The following ATP8A1 variants were observed in gnomAD, a reference collection of about 807,000 sequenced individuals.
ATP8A1 encodes the protein phospholipid-transporting ATPase IA.
Under a neutral mutation model 177.7 loss-of-function variants are expected in ATP8A1, and 90 were observed. That is an observed-to-expected ratio of 0.51 (90% CI 0.43 to 0.60). The LOEUF is 0.60. ATP8A1 is among the 20% of genes least tolerant of loss of function. The pLI is 0.00. For synonymous variants in ATP8A1, 493 were observed against 485.9 expected (o/e 1.01, Z -0.19); for missense variants, 1,072 against 1,392.8 (o/e 0.77, Z 3.67).
intron 23 of ATP8A1, among the ~76,000 whole-genome samples, chr4:42,505,349 T>C (rs1295653963): frequency 3.3e-5 from 5 of 152,248 alleles, no homozygotes; most frequent in African/African-American, 1.2e-4. Flanking sequence ...TCTTTTTTCA[T>C]AGGAACATTC....
At chr4:42,568,919 G>A (rs897517068) in intron 15 of ATP8A1, among the ~76,000 whole-genome samples, 2 of 152,078 alleles carry the variant, frequency 1.3e-5, no homozygotes, top group African/African-American at 4.8e-5. Context: ...CTTTATTACA[G>A]ATAAACAATG....
chr4:42,569,186 C>A lies in ATP8A1; in HGVS notation c.1315G>T (p.Asp439Tyr), dbSNP rs1400217783. Residue 439 changes from aspartate (D) to tyrosine (Y), a missense_variant, in exon 15 of 37, where the codon GAT becomes TAT. By Grantham distance (160) the Asp-to-Tyr change is radical. Coordinates refer to ENST00000381668, the MANE Select transcript of ATP8A1 (RefSeq NM_006095.2). ...VAYGHVPEPE[D>Y]YGCSPDEWQN... is the part of the protein sequence containing the mutation. ...CATTCATCAGGAGAGCAGCCATAAT[C>A]CTCAGGTTCAGGGACATGGCTTCAG... The A allele has an allele frequency of 1.9e-6, 3 of 1,607,200 alleles. No homozygotes were observed. Among genetic ancestry groups the A allele is most frequent in the Admixed American group, 3.4e-5 (2 of 59,196 alleles).
intron 20 of ATP8A1, 49 bp from the exon 21 acceptor site, chr4:42,524,896 T>G: frequency 7.8e-7 from 1 of 1,284,690 alleles, no homozygotes; most frequent in Non-Finnish European, 1.1e-6. Context: ...ATTCTGGGTT[T>G]AATAAAGTTG....
chr4:42,414,461 A>T (rs1712992772), intron 36 of ATP8A1, among the ~76,000 whole-genome samples, 166 bp downstream of exon 36: 1 of 152,234 alleles, frequency 6.6e-6, no homozygotes, highest in South Asian at 2.1e-4. Flanking sequence ...TGAAAGTGAA[A>T]TGGTTCTGAC....
At chr4:42,545,802 T>TATCTCTACTAAATTCAA (rs1728850834) in intron 19 of ATP8A1, among the ~76,000 whole-genome samples, 1 of 152,104 alleles carries the variant, frequency 6.6e-6, no homozygotes, top group African/African-American at 2.4e-5. Flanking sequence ...GGTGAAACCC[T>TATCTCTACTAAATTCAA]ATCTCTACTA....
intron 15 of ATP8A1, among the ~76,000 whole-genome samples, chr4:42,558,885 T>C (rs1351959423): frequency 6.6e-6 from 1 of 152,212 alleles, no homozygotes. Context: ...GCAAAAACTA[T>C]GGCAACAGGC....
intron 7 of ATP8A1, among the ~76,000 whole-genome samples, chr4:42,589,024 T>C (rs1322161342): frequency 6.6e-6 from 1 of 152,194 alleles, no homozygotes; most frequent in Non-Finnish European, 1.5e-5. Context: ...CTCCTTGACC[T>C]AGAAGATGCA....
rs149137869 is a variant in ATP8A1, at chr4:42,417,501, A to G, written c.3306-2783T>C. ...CACACAACTACTACTAAATATTGTT[A>G]CCTTATTTCCAAACCCACTAAAATG... On this transcript the variant is annotated intron_variant, in intron 35 of 36. Coordinates refer to ENST00000381668, the MANE Select transcript of ATP8A1 (RefSeq NM_006095.2). Among the ~76,000 whole-genome samples, 91 of 152,264 alleles carry G rather than the reference A, an allele frequency of 6.0e-4. 1 individual carries two copies. The highest frequency in any genetic ancestry group is 2.1e-3 in the African/African-American group (86 of 41,534).
rs570511902 is a variant in ATP8A1 at position 42,518,036 on chromosome 4, A to G, written c.1947+4124T>C. On this transcript the variant is annotated intron_variant, in intron 22 of 36. Coordinates refer to ENST00000381668, the MANE Select transcript of ATP8A1 (RefSeq NM_006095.2). ...AACCAAAGGATAAATGCCTTGTTGT[A>G]TATTTTTGGTCTATTTGGATATTTT... Among the ~76,000 whole-genome samples, 5 of 152,126 alleles carry G rather than the reference A, an allele frequency of 3.3e-5. No homozygotes were observed. The East Asian group carries it at 9.6e-4, about 29-fold the overall frequency.
At chr4:42,481,327 T>G (rs1408454347) in intron 25 of ATP8A1, among the ~76,000 whole-genome samples, 1 of 152,162 alleles carries the variant, frequency 6.6e-6, no homozygotes, top group Non-Finnish European at 1.5e-5. Flanking sequence ...GGGGCATGTG[T>G]GTATTTCCCA....
At chr4:42,581,335 G>T (rs565826455) in intron 10 of ATP8A1, among the ~76,000 whole-genome samples, 1 of 152,072 alleles carries the variant, frequency 6.6e-6, no homozygotes, top group African/African-American at 2.4e-5. Flanking sequence ...GGCTTTCACC[G>T]TGTTAGCCAG....
rs568101784 is a variant in ATP8A1 at position 42,557,070 on chromosome 4, A to G, written c.1341-1030T>C. 3.9e-5 allele frequency among the ~76,000 whole-genome samples: 6 copies of G among 152,358 alleles called. No individual in the cohort carries two copies. The South Asian group carries it at 1.2e-3, about 32-fold the overall frequency. On this transcript the variant is annotated intron_variant, in intron 15 of 36. Coordinates refer to ENST00000381668, the MANE Select transcript of ATP8A1 (RefSeq NM_006095.2). ...GGAGAGAACATACATAGTATCTTCA[A>G]TGAAACACATTTCTCCAGTAAACTT...
chr4:42,516,110 A>T (rs1233575583), intron 22 of ATP8A1, among the ~76,000 whole-genome samples: 1 of 152,220 alleles, frequency 6.6e-6, no homozygotes, highest in Admixed American at 6.5e-5. Flanking sequence ...TTATTCATCA[A>T]ATATTTATTG....
chr4:42,489,742 C>T (rs940997822), intron 24 of ATP8A1, among the ~76,000 whole-genome samples: 4 of 152,104 alleles, frequency 2.6e-5, no homozygotes, highest in South Asian at 2.1e-4. Context: ...AGGAGCCATA[C>T]TTTATGGCTG....
chr4:42,434,550 C>G (rs989175585), intron 33 of ATP8A1, among the ~76,000 whole-genome samples: 21 of 152,160 alleles, frequency 1.4e-4, no homozygotes, highest in African/African-American at 4.8e-4. Flanking sequence ...TTTAGTTGCC[C>G]TTCATTCTAT....
At chr4:42,515,817 A>C (rs1189081476) in intron 22 of ATP8A1, among the ~76,000 whole-genome samples, 1 of 152,230 alleles carries the variant, frequency 6.6e-6, no homozygotes, top group African/African-American at 2.4e-5. Context: ...TTTGTTGCTG[A>C]ATCTTTCCAA....
intron 33 of ATP8A1, among the ~76,000 whole-genome samples, chr4:42,438,440 T>G (rs1305218194): frequency 1.3e-5 from 2 of 152,192 alleles, no homozygotes; most frequent in Non-Finnish European, 2.9e-5. Context: ...TTTTTAAATT[T>G]TTTTTAACAA....
intron 24 of ATP8A1, among the ~76,000 whole-genome samples, chr4:42,500,943 A>G: frequency 6.6e-6 from 1 of 152,206 alleles, no homozygotes; most frequent in East Asian, 1.9e-4. Flanking sequence ...GGTGATCTAG[A>G]TTATGGAAGA....
At chr4:42,449,450 G>C (rs1031860028) in intron 30 of ATP8A1, among the ~76,000 whole-genome samples, 2 of 152,148 alleles carry the variant, frequency 1.3e-5, no homozygotes, top group East Asian at 3.9e-4. Context: ...GGTATTCCCA[G>C]GGTCTACAGA....
Sources: gnomAD v4.1 joint callset for allele counts (sites outside exome capture counted in the v4.1 genomes callset) on GRCh38, gnomAD v4.1.1 for gene constraint, MANE v1.5 for transcripts, NCBI Gene and HGNC (gene_info 2026-07-23, HGNC 2026-07-21) for gene names.